The following ELAVL2 variants were observed in gnomAD, a reference collection of about 807,000 sequenced individuals.
ELAVL2 encodes ELAV like RNA binding protein 2.
A neutral mutation model predicts 34.6 loss-of-function variants in ELAVL2; 4 were observed. The observed-to-expected ratio is 0.12, with a 90% CI of 0.06 to 0.26. The LOEUF (loss-of-function observed/expected upper bound fraction) is 0.26, where lower values mean the gene tolerates loss of function less well. ELAVL2 is among the 10% of genes least tolerant of loss of function. The pLI is 1.00. For synonymous variants in ELAVL2, 193 were observed against 154.8 expected (o/e 1.25, Z -1.83); for missense variants, 432 against 442.8 (o/e 0.98, Z 0.22).
intron 1 of ELAVL2, among the ~76,000 whole-genome samples, chr9:23,790,514 G>C (rs918753092): frequency 6.6e-6 from 1 of 152,118 alleles, no homozygotes; most frequent in African/African-American, 2.4e-5. Flanking sequence ...CTTGAAGGAA[G>C]TGAAATAGTA....
chr9:23,702,972 A>AAAAAAAAAC (rs2037929912), intron 4 of ELAVL2, among the ~76,000 whole-genome samples: 2 of 147,168 alleles, frequency 1.4e-5, no homozygotes, highest in Non-Finnish European at 3.0e-5. Flanking sequence ...AAAAAAAAAA[A>AAAAAAAAAC]AAAAAAAAAC....
chr9:23,764,201 A>G (rs2055706297), intron 1 of ELAVL2, among the ~76,000 whole-genome samples: 1 of 152,150 alleles, frequency 6.6e-6, no homozygotes, highest in South Asian at 2.1e-4. Context: ...CACTACTGAA[A>G]AGTTTGGATG....
At chr9:23,806,922 C>T (rs995717719) in intron 1 of ELAVL2, among the ~76,000 whole-genome samples, 1 of 152,088 alleles carries the variant, frequency 6.6e-6, no homozygotes, top group African/African-American at 2.4e-5. Context: ...TACTTCTCTC[C>T]AAATTCCATC....
At chr9:23,835,931 T>C in the ELAVL2 span, among the ~76,000 whole-genome samples, 2 of 152,302 alleles carry the variant, frequency 1.3e-5, no homozygotes, top group Non-Finnish European at 2.9e-5. Context: ...TTTGATAAAA[T>C]TGACCCACTC....
At chr9:23,725,857 C>G (rs1476821059) in intron 3 of ELAVL2, among the ~76,000 whole-genome samples, 1 of 151,958 alleles carries the variant, frequency 6.6e-6, no homozygotes, top group African/African-American at 2.4e-5. Context: ...ACTTAGCAGA[C>G]CATGAAAAGC....
the ELAVL2 span, chr9:23,832,423 C>G: frequency 6.6e-6 from 1 of 152,044 alleles, no homozygotes; most frequent in African/African-American, 2.4e-5. Flanking sequence ...TCTGTCTGCT[C>G]TTTTGGATAT....
the ELAVL2 span, among the ~76,000 whole-genome samples, chr9:23,836,266 T>G: frequency 1.3e-5 from 2 of 152,212 alleles, no homozygotes; most frequent in Non-Finnish European, 2.9e-5. Flanking sequence ...AGTTGGAAGA[T>G]GTCACATAAA....
upstream of ELAVL2, among the ~76,000 whole-genome samples, chr9:23,830,790 G>A (rs982922135): frequency 4.6e-5 from 7 of 151,924 alleles, no homozygotes; most frequent in Admixed American, 3.9e-4. Flanking sequence ...TCCCACAAAT[G>A]TCCCCAGATT....
At chr9:23,753,003 T>C (rs144203230) in intron 2 of ELAVL2, among the ~76,000 whole-genome samples, 1 of 152,262 alleles carries the variant, frequency 6.6e-6, no homozygotes, top group East Asian at 1.9e-4. Context: ...CCTCAAAAAA[T>C]ATTTGATTAC....
At chr9:23,801,876 G>T (rs944041527) in intron 1 of ELAVL2, among the ~76,000 whole-genome samples, 1 of 152,110 alleles carries the variant, frequency 6.6e-6, no homozygotes, top group Non-Finnish European at 1.5e-5. Flanking sequence ...TCTAACAAGC[G>T]CTGCAAATAG....
chr9:23,825,543 T>C lies in ELAVL2; in HGVS notation c.-16+263A>G, dbSNP rs146072565. Among the ~76,000 whole-genome samples, 882 of 152,140 alleles carry C rather than the reference T, an allele frequency of 5.8e-3. 5 individuals are homozygous for C. The highest frequency in any genetic ancestry group is 0.02 in the African/African-American group (850 of 41,488). On this transcript the variant is annotated intron_variant, in intron 1 of 6. Coordinates refer to ENST00000397312, the MANE Select transcript of ELAVL2 (RefSeq NM_004432.5). Reference sequence around the variant, plus strand: ...CTTGAAGCTCACTCCACATCTAACCTCCCATTGTACCCCTACTCCCCCCTG... The same window carrying C: ...CTTGAAGCTCACTCCACATCTAACCCCCCATTGTACCCCTACTCCCCCCTG...
chr9:23,737,871 A>T (rs1407680449), intron 2 of ELAVL2, among the ~76,000 whole-genome samples: 2 of 152,210 alleles, frequency 1.3e-5, no homozygotes, highest in African/African-American at 4.8e-5. Context: ...AAATGGAAAG[A>T]TTCGCTTCCT....
chr9:23,803,538 G>A (rs2061828908), intron 1 of ELAVL2, among the ~76,000 whole-genome samples: 1 of 152,096 alleles, frequency 6.6e-6, no homozygotes, highest in African/African-American at 2.4e-5. Context: ...AGCCACATCA[G>A]CCCATGTCTT....
At chr9:23,796,795 T>C (rs565585587) in intron 1 of ELAVL2, among the ~76,000 whole-genome samples, 41 of 152,352 alleles carry the variant, frequency 2.7e-4, no homozygotes, top group Admixed American at 1.3e-3. Flanking sequence ...CTGAGAACAA[T>C]TGCCCTTGCC....
At chr9:23,731,163 C>T in intron 2 of ELAVL2, 38 bp from the exon 3 acceptor site, 6 of 1,573,642 alleles carry the variant, frequency 3.8e-6, no homozygotes, top group Non-Finnish European at 5.2e-6. Flanking sequence ...TATATTAGTT[C>T]TATACTGTTG....
chr9:23,820,783 G>A (rs1055518157), intron 1 of ELAVL2, among the ~76,000 whole-genome samples: 15 of 152,216 alleles, frequency 9.9e-5, no homozygotes, highest in Admixed American at 8.5e-4. Context: ...CAAGCTGGAG[G>A]AGCAGCTGCC....
chr9:23,725,018 G>T (rs1171698929), intron 3 of ELAVL2, among the ~76,000 whole-genome samples: 1 of 152,068 alleles, frequency 6.6e-6, no homozygotes, highest in Non-Finnish European at 1.5e-5. Context: ...GGGGTACTTT[G>T]TAGACGATGA....
intron 3 of ELAVL2, among the ~76,000 whole-genome samples, chr9:23,730,479 C>T (rs1368180297): frequency 6.6e-6 from 1 of 152,124 alleles, no homozygotes; most frequent in Non-Finnish European, 1.5e-5. Context: ...ATGGTTTTTA[C>T]ATTTTTTAAC....
intron 2 of ELAVL2, among the ~76,000 whole-genome samples, chr9:23,733,316 G>C (rs1316982559): frequency 6.6e-6 from 1 of 151,992 alleles, no homozygotes; most frequent in Admixed American, 6.6e-5. Flanking sequence ...ACATTGGCTG[G>C]GCCATGCTTG....
Sources: gnomAD v4.1 joint callset for allele counts (sites outside exome capture counted in the v4.1 genomes callset) on GRCh38, gnomAD v4.1.1 for gene constraint, MANE v1.5 for transcripts, NCBI Gene and HGNC (gene_info 2026-07-23, HGNC 2026-07-21) for gene names.